VPS8: variants seen among roughly 807,000 people sequenced by gnomAD.
VPS8 encodes VPS8 subunit of CORVET complex.
A neutral mutation model predicts 216.4 loss-of-function variants in VPS8; 129 were observed. The ratio of observed to expected loss-of-function variants is 0.60; its 90% CI spans 0.52 to 0.69. The LOEUF (loss-of-function observed/expected upper bound fraction) is 0.69. VPS8 is among the 30% of genes least tolerant of loss of function. The probability of loss-of-function intolerance (pLI) is 0.00; values close to 1 mark genes in which losing one functional copy is unlikely to be tolerated. For synonymous variants in VPS8, 571 were observed against 565.4 expected, an observed-to-expected ratio of 1.01 and a Z score of -0.14; for missense variants, 1,531 against 1,683.5, an observed-to-expected ratio of 0.91 and a Z score of 1.59.
At chr3:184,973,323 A>C (rs1748737565) in intron 40 of VPS8, among the ~76,000 whole-genome samples, 1 of 152,224 alleles carries the variant, frequency 6.6e-6, no homozygotes, top group Non-Finnish European at 1.5e-5. Flanking sequence ...GTAAAATTGC[A>C]TTAAATAATG....
intron 28 of VPS8, among the ~76,000 whole-genome samples, chr3:184,917,452 G>A (rs895861485): frequency 8.6e-5 from 13 of 151,934 alleles, no homozygotes; most frequent in African/African-American, 3.1e-4. Flanking sequence ...TTTTTGAGAC[G>A]GAGCTTTGCT....
chr3:184,824,759 A>C lies in VPS8; in HGVS notation c.127A>C (p.Lys43Gln). The change falls in exon 2 of 48, where the codon AAG becomes CAG. Residue 43 changes from lysine to glutamine, a missense_variant. Around this residue, in one of 3 missense-constraint regions of VPS8, gnomAD observed 199 missense variants for 182.2 expected, o/e 1.09. Coordinates refer to ENST00000625842, the MANE Select transcript of VPS8 (RefSeq NM_001009921.3). ...AAAATTCTCTTACATAGATATGGAC[A>C]AGGAACTGGAGTTCAAAAATGATCT... Reference protein sequence around the residue: ...LSKFSYIDMDKELEFKNDLID... With the variant: ...LSKFSYIDMDQELEFKNDLID... 6.2e-7 allele frequency: 1 copy of C among 1,612,614 alleles called. No individual in the cohort carries two copies. The highest frequency in any genetic ancestry group is 2.2e-5 in the East Asian group (1 of 44,860).
Position 185,011,046 on chromosome 3 carries a change from G to A in VPS8, c.4002+11185G>A, listed in dbSNP as rs368660969. Among the ~76,000 whole-genome samples the A allele has an allele frequency of 1.7e-4, 26 of 151,462 alleles. No individual in the cohort carries two copies. The East Asian group carries it at 4.8e-3, about 28-fold the overall frequency. On this transcript the variant is annotated intron_variant, in intron 45 of 47. Coordinates refer to ENST00000625842, the MANE Select transcript of VPS8 (RefSeq NM_001009921.3). ...AATGAATAGATCATTGGTGAACTAT[G>A]GAACAACTTCAAGTGGCCAAATATA... is the stretch of plus-strand genomic sequence containing the variant.
chr3:184,816,884 A>T (rs1400376011), intron 1 of VPS8, among the ~76,000 whole-genome samples: 2 of 152,190 alleles, frequency 1.3e-5, no homozygotes, highest in African/African-American at 4.8e-5. Flanking sequence ...GAGTGGAGGT[A>T]TGCAGAATCA....
At chr3:184,969,097 T>A (rs10937193) in intron 39 of VPS8, among the ~76,000 whole-genome samples, 151,945 of 152,328 alleles carry the variant, frequency 1, 75,783 homozygotes, top group Non-Finnish European at 1. Flanking sequence ...AATTTTAAAA[T>A]TTTAGTGTTA....
At chr3:184,938,688 A>G (rs1055128044) in intron 35 of VPS8, among the ~76,000 whole-genome samples, 1 of 148,338 alleles carries the variant, frequency 6.7e-6, no homozygotes, top group African/African-American at 2.5e-5. Flanking sequence ...ATTAAGAGAC[A>G]GGCCCAGTAG....
At chr3:184,826,900 G>A (rs1391981288) in intron 3 of VPS8, among the ~76,000 whole-genome samples, 1 of 152,104 alleles carries the variant, frequency 6.6e-6, no homozygotes, top group African/African-American at 2.4e-5. Flanking sequence ...GAGATCAAAG[G>A]CTTTCTAAAG....
At chr3:184,881,321 A>G (rs1730227767) in intron 21 of VPS8, among the ~76,000 whole-genome samples, 1 of 152,258 alleles carries the variant, frequency 6.6e-6, no homozygotes, top group Admixed American at 6.5e-5. Context: ...TAATTTTTAC[A>G]TAAGATATGA....
chr3:185,006,526 G>C (rs1754271528), intron 45 of VPS8, among the ~76,000 whole-genome samples: 1 of 152,248 alleles, frequency 6.6e-6, no homozygotes, highest in South Asian at 2.1e-4. Flanking sequence ...TCCTAATTAA[G>C]ATTTCTCACC....
intron 45 of VPS8, among the ~76,000 whole-genome samples, chr3:185,022,756 C>G (rs1394379747): frequency 6.6e-6 from 1 of 152,142 alleles, no homozygotes; most frequent in African/African-American, 2.4e-5. Context: ...CCAATGTTGA[C>G]TCTGATAATT....
At chr3:185,028,926 C>T (rs1757745502) in intron 46 of VPS8, among the ~76,000 whole-genome samples, 1 of 152,186 alleles carries the variant, frequency 6.6e-6, no homozygotes, top group Non-Finnish European at 1.5e-5. Context: ...AGAGATTTCA[C>T]AGGACTTCCT....
chr3:184,869,672 TG>T, intron 20 of VPS8, 144 bp downstream of exon 20: 1 of 758,858 alleles, frequency 1.3e-6, no homozygotes, highest in Non-Finnish European at 2.1e-6. Flanking sequence ...GACACACACT[TG>T]GGGTCAGGGG....
chr3:184,817,516 A>C (rs1012976720), intron 1 of VPS8: 3 of 152,274 alleles, frequency 2.0e-5, no homozygotes, highest in East Asian at 1.9e-4. Context: ...TGAGCAGGGC[A>C]AAAAAAGGCC....
At chr3:184,957,292 G>T in intron 36 of VPS8, 82 bp from the exon 37 acceptor site, 1 of 1,391,136 alleles carries the variant, frequency 7.2e-7, no homozygotes, top group South Asian at 1.4e-5. Context: ...AATGTAATGT[G>T]CTTTTTACTG....
chr3:185,017,261 A>G (rs1258633824), intron 45 of VPS8, among the ~76,000 whole-genome samples: 3 of 152,188 alleles, frequency 2.0e-5, no homozygotes, highest in African/African-American at 7.2e-5. Context: ...TAAATTGAGC[A>G]GGTTGAATTG....
intron 28 of VPS8, 145 bp downstream of exon 28, chr3:184,915,619 G>T: frequency 1.2e-6 from 1 of 812,188 alleles, no homozygotes; most frequent in Non-Finnish European, 1.8e-6. Flanking sequence ...GACCAGCCTG[G>T]TCAACATGGC....
intron 21 of VPS8, among the ~76,000 whole-genome samples, chr3:184,872,960 C>G (rs1728618283): frequency 1.3e-5 from 2 of 152,092 alleles, no homozygotes; most frequent in African/African-American, 4.8e-5. Flanking sequence ...ACTAAAGATA[C>G]ATACCAGAAG....
intron 47 of VPS8, among the ~76,000 whole-genome samples, chr3:185,050,556 C>T (rs946819620): frequency 2.6e-5 from 4 of 152,212 alleles, no homozygotes; most frequent in African/African-American, 7.2e-5. Context: ...CGGAGGGCAC[C>T]TCGAAGACAT....
At chr3:184,953,013 A>G (rs1209790158) in intron 36 of VPS8, among the ~76,000 whole-genome samples, 2 of 152,162 alleles carry the variant, frequency 1.3e-5, no homozygotes, top group African/African-American at 4.8e-5. Flanking sequence ...TTAAAGGTTA[A>G]TAAGGGAGGG....
Sources: gnomAD v4.1 joint callset for allele counts (sites outside exome capture counted in the v4.1 genomes callset) on GRCh38, gnomAD v4.1.1 for gene constraint, gnomAD v4.1.1 regional missense constraint, MANE v1.5 for transcripts, NCBI Gene and HGNC (gene_info 2026-07-23, HGNC 2026-07-21) for gene names.